USP11: variants seen among roughly 807,000 people sequenced by gnomAD.
USP11 encodes ubiquitin carboxyl-terminal hydrolase 11.
A neutral mutation model predicts 72.8 loss-of-function variants in USP11; 5 were observed. That is an observed-to-expected ratio of 0.07 (90% CI 0.04 to 0.14). The LOEUF (loss-of-function observed/expected upper bound fraction) is 0.14. Ranked by LOEUF, USP11 falls within the 10% of genes least tolerant of loss-of-function variation. USP11 has a pLI of 1.00. For synonymous variants in USP11, 368 were observed against 326.5 expected, an observed-to-expected ratio of 1.13 and a Z score of -1.37; for missense variants, 480 against 794.7, an observed-to-expected ratio of 0.60 and a Z score of 4.76.
At position 47,244,871 on chromosome X, in the gene USP11, C is replaced by T. The variant is rs2055423823; in HGVS notation, c.2033C>T (p.Thr678Met). The T allele has an allele frequency of 8.3e-7, 1 of 1,211,648 alleles. No homozygotes were observed. The highest frequency in any genetic ancestry group is 1.1e-6 in the Non-Finnish European group (1 of 895,397). ...RRRKQLFTLQ[T>M]VNSNGTSDRT... ...CGCAAGCAGCTGTTCACCCTGCAGACGGTGAACTCCAATGGGACCAGCGAC... is the reference window on the plus strand; with the variant it reads ...CGCAAGCAGCTGTTCACCCTGCAGATGGTGAACTCCAATGGGACCAGCGAC... Residue 678 changes from threonine to methionine, a missense_variant, in exon 15 of 21, where the codon ACG (threonine) becomes ATG (methionine). Thr to Met is a moderately conservative substitution (Grantham distance 81). Transcript: ENST00000377107.
chrX:47,238,781 C>T (rs991219380), intron 1 of USP11, among the ~76,000 whole-genome samples: 2 of 111,060 alleles, frequency 1.8e-5, no homozygotes, highest in Non-Finnish European at 3.8e-5. Context: ...TATAATAAAA[C>T]CTCATGTTTC....
rs780000874 is a variant in USP11, at chrX:47,242,646, C to T, written c.1509C>T (p.Phe503=). 1.7e-6 allele frequency: 2 copies of T among 1,211,006 alleles called. No individual in the cohort carries two copies. Among genetic ancestry groups the T allele is most frequent in the South Asian group, 3.5e-5 (2 of 56,995 alleles). The change falls in exon 12 of 21, where the codon TTC becomes TTT. Residue 503 remains phenylalanine (F), a synonymous_variant. Coordinates refer to ENST00000377107, the MANE Select transcript of USP11 (RefSeq NM_001371072.1). ...SPERMMVADV[F]SHRFYKLYQL... ...CCTAGATGATGGTGGCTGATGTCTTCAGTCACCGCTTCTATAAGCTCTATC... is the reference window on the plus strand; with the variant it reads ...CCTAGATGATGGTGGCTGATGTCTTTAGTCACCGCTTCTATAAGCTCTATC...
chrX:47,244,637 A>C (rs1360542993), intron 14 of USP11, 45 bp from the exon 15 acceptor site: 19 of 1,202,885 alleles, frequency 1.6e-5, no homozygotes, highest in Middle Eastern at 2.3e-4. Flanking sequence ...GCAGCTTAGC[A>C]CTTGAGGCTC....
At chrX:47,233,495 G>C (rs2055355959) in intron 1 of USP11, 1 of 979,359 alleles carries the variant, frequency 1.0e-6, no homozygotes, top group African/African-American at 2.0e-5. Context: ...GGTGGGGCCG[G>C]GCCTGCGTAG....
chrX:47,237,782 G>GTA (rs2055380235), intron 1 of USP11, among the ~76,000 whole-genome samples: 1 of 26,427 alleles, frequency 3.8e-5, no homozygotes, highest in African/African-American at 8.8e-5. Flanking sequence ...ACAGGTGTGT[G>GTA]TGTATGTGTG....
At position 47,248,007 on chromosome X, in the gene USP11, C is replaced by T; in HGVS notation, c.*77C>T. 7.1e-6 allele frequency: 8 copies of T among 1,119,035 alleles called. No individual in the cohort carries two copies. Among genetic ancestry groups the T allele is most frequent in the South Asian group, 4.2e-5 (2 of 47,853 alleles). 92.2% of individuals were successfully genotyped at this position (1,119,035 alleles called of 1,213,427 possible). The stretch of plus-strand genomic sequence containing the variant: ...CTCGCTTCTCGTGTCCGCCCCGCTT[C>T]TCTTATTCGTGTTAGGTGCCCCCGC... On this transcript the variant is annotated 3_prime_UTR_variant, in exon 21 of 21. Transcript: ENST00000377107.
intron 17 of USP11, among the ~76,000 whole-genome samples, chrX:47,246,065 T>A (rs758202612): frequency 1.8e-5 from 2 of 111,816 alleles, no homozygotes; most frequent in Non-Finnish European, 3.8e-5. Context: ...CTCCTCTGAC[T>A]ACCCTGTTAA....
At position 47,247,092 on chromosome X, in the gene USP11, A is replaced by G. The variant is rs747642820; in HGVS notation, c.2291A>G (p.Gln764Arg). 5 of 1,211,142 alleles carry G rather than the reference A, an allele frequency of 4.1e-6. No individual in the cohort carries two copies. The highest frequency in any genetic ancestry group is 5.6e-6 in the Non-Finnish European group (5 of 895,361). The change falls in exon 18 of 21, where the codon CAG becomes CGG. Residue 764 changes from glutamine (Q) to arginine (R), a missense_variant. Transcript: ENST00000377107. Reference protein sequence around the residue: ...ENPWYCPSCKQHQLATKKLDL... With the variant: ...ENPWYCPSCKRHQLATKKLDL... ...TGTAGGTACTGCCCTTCCTGCAAGC[A>G]GCACCAGCTGGCAACCAAGAAGCTG...
chrX:47,233,962 G>A (rs1487280952), intron 1 of USP11: 1 of 111,963 alleles, frequency 8.9e-6, no homozygotes, highest in Non-Finnish European at 1.9e-5. Flanking sequence ...TTCTGTGTTG[G>A]TACTGTTTTG....
chrX:47,235,427 A>T (rs2055367435), intron 1 of USP11, among the ~76,000 whole-genome samples: 2 of 111,546 alleles, frequency 1.8e-5, no homozygotes, highest in African/African-American at 6.5e-5. Flanking sequence ...TTTCCTCTTT[A>T]CATATGCAGT....
chrX:47,245,587 C>G (rs2055428375), intron 17 of USP11, 105 bp downstream of exon 17: 7 of 509,821 alleles, frequency 1.4e-5, no homozygotes, highest in Non-Finnish European at 2.2e-5. Flanking sequence ...TCTGTCAACC[C>G]AGGCTGAAGT....
chrX:47,248,030 C>G lies in USP11; in HGVS notation c.*100C>G. The G allele has an allele frequency of 9.3e-7, 1 of 1,071,021 alleles. No individual in the cohort carries two copies. Among genetic ancestry groups the G allele is most frequent in the Non-Finnish European group, 1.2e-6 (1 of 815,715 alleles). The allele number at this position is 1,071,021 out of a possible 1,213,427, so 88.3% of individuals were successfully genotyped here. On this transcript the variant is annotated 3_prime_UTR_variant, in exon 21 of 21. Coordinates refer to ENST00000377107, the MANE Select transcript of USP11 (RefSeq NM_001371072.1). Reference sequence around the variant, plus strand: ...TTCTCTTATTCGTGTTAGGTGCCCCCGCCAGGCATTGCAGGCTTAGTCGTG... The same window carrying G: ...TTCTCTTATTCGTGTTAGGTGCCCCGGCCAGGCATTGCAGGCTTAGTCGTG...
intron 3 of USP11, 24 bp from the exon 4 acceptor site, chrX:47,239,766 G>A (rs1269796243): frequency 3.4e-6 from 4 of 1,193,335 alleles, no homozygotes; most frequent in Non-Finnish European, 4.5e-6. Context: ...GTACACCTGT[G>A]TCTGCACCCC....
rs755071289 is a variant in USP11 at position 47,238,883 on chromosome X, A to G, written c.177-187A>G. Among the ~76,000 whole-genome samples, 5 of 112,311 alleles carry G rather than the reference A, an allele frequency of 4.5e-5. No homozygotes were observed. In the South Asian group the frequency reaches 1.8e-3, roughly 41 times the overall value. On this transcript the variant is annotated intron_variant, in intron 1 of 20. Coordinates refer to ENST00000377107, the MANE Select transcript of USP11 (RefSeq NM_001371072.1). ...ATCAGATTTCTTTTTTAATACTAAG[A>G]AGTTATCTAACATACAAATCTGAGT...
Position 47,247,134 on chromosome X carries a change from C to T in USP11, c.2333C>T (p.Pro778Leu), listed in dbSNP as rs1274943699. 1.7e-6 allele frequency: 2 copies of T among 1,211,584 alleles called. No individual in the cohort carries two copies. Among genetic ancestry groups the T allele is most frequent in the Non-Finnish European group, 2.2e-6 (2 of 895,439 alleles). ...ATKKLDLWML[P>L]EILIIHLKRF... ...AAGAAGCTGGACCTGTGGATGCTGC[C>T]GGAGATTCTCATCATCCACCTGAAA... Residue 778 changes from proline (P) to leucine (L), a missense_variant, in exon 18 of 21, where the codon CCG becomes CTG. By Grantham distance (98) the Pro-to-Leu change is moderately conservative (BLOSUM62 -3). Around this residue, in one of 5 missense-constraint regions of USP11, gnomAD observed 314 missense variants for 556.0 expected, o/e 0.56. Transcript: ENST00000377107.
intron 1 of USP11, among the ~76,000 whole-genome samples, chrX:47,234,918 C>A (rs910890178): frequency 1.8e-4 from 20 of 112,197 alleles, no homozygotes; most frequent in African/African-American, 5.8e-4. Context: ...AAAGAAACAA[C>A]GATTGAGCAA....
chrX:47,242,755 A>T, intron 12 of USP11, 35 bp downstream of exon 12: 1 of 1,085,323 alleles, frequency 9.2e-7, no homozygotes, highest in Non-Finnish European at 1.3e-6. Context: ...GTGGTTCCTC[A>T]GGAACTTGGT....
In USP11 at chrX:47,241,551, G is replaced by C; in HGVS notation, c.1031G>C (p.Gly344Ala). 1 of 1,199,236 alleles carries C rather than the reference G, an allele frequency of 8.3e-7. No homozygotes were observed. Among genetic ancestry groups the C allele is most frequent in the Non-Finnish European group, 1.1e-6 (1 of 889,147 alleles). The change falls in exon 9 of 21, where the codon GGC becomes GCC. Residue 344 changes from glycine (G) to alanine (A), a missense_variant. Transcript: ENST00000377107. ...IVPHVFKNKVGHFASQFLGYQ... is the reference protein window; with the variant it reads ...IVPHVFKNKVAHFASQFLGYQ... ...TGCCCATCTTCTTAGAACAAGGTTG[G>C]CCATTTTGCATCCCAATTTCTGGGC... is the stretch of plus-strand genomic sequence containing the variant.
chrX:47,247,918 G>C lies in USP11; in HGVS notation c.2751G>C (p.Met917Ile). ...GCTCCCCACCCAGCTCTGAGTTCAT[G>C]GATGTTAATTGAGAGCCCTGGGTCC... ...ACSSPPSSEF[M>I]DVN Residue 917 changes from methionine to isoleucine, a missense_variant, in exon 21 of 21, where the codon ATG (methionine) becomes ATC (isoleucine). Coordinates refer to ENST00000377107, the MANE Select transcript of USP11 (RefSeq NM_001371072.1). 8.4e-7 allele frequency: 1 copy of C among 1,188,161 alleles called. No individual in the cohort carries two copies. Among genetic ancestry groups the C allele is most frequent in the Non-Finnish European group, 1.1e-6 (1 of 888,270 alleles).
Sources: gnomAD v4.1 joint callset for allele counts (sites outside exome capture counted in the v4.1 genomes callset) on GRCh38, gnomAD v4.1.1 for gene constraint, gnomAD v4.1.1 regional missense constraint, MANE v1.5 for transcripts, NCBI Gene and HGNC (gene_info 2026-07-23, HGNC 2026-07-21) for gene names.